Variants in NEBL observed in about 807,000 individuals in gnomAD.
NEBL encodes the protein LIM and SH3 protein 2.
NEBL carries 122 observed loss-of-function variants against 140.2 expected under a neutral mutation model. That is an observed-to-expected ratio of 0.87 (90% CI 0.75 to 1.01). The LOEUF (loss-of-function observed/expected upper bound fraction) is 1.01. NEBL is among the 50% of genes least tolerant of loss of function. NEBL has a pLI of 0.00. For missense variants in NEBL, 1,365 were observed against 1,231.3 expected (o/e 1.11, Z -1.62); for synonymous variants, 436 against 398.9 (o/e 1.09, Z -1.11).
intron 4 of NEBL, among the ~76,000 whole-genome samples, chr10:20,931,198 C>T (rs1315505803): frequency 2.6e-5 from 4 of 152,072 alleles, no homozygotes; most frequent in African/African-American, 9.7e-5. Flanking sequence ...CAAAGTATGA[C>T]AAAGACGCAC....
intron 2 of NEBL, among the ~76,000 whole-genome samples, chr10:21,027,901 T>A (rs1833581819): frequency 6.6e-6 from 1 of 152,070 alleles, no homozygotes; most frequent in Admixed American, 6.6e-5. Context: ...AAATGGTTGT[T>A]TTATGTCATT....
chr10:21,249,644 TTTA>T (rs1842562146), intron 2 of NEBL, among the ~76,000 whole-genome samples: 2 of 150,910 alleles, frequency 1.3e-5, no homozygotes, highest in African/African-American at 2.4e-5. Context: ...TTTAAATTTA[TTTA>T]TTATTTTATT....
intron 20 of NEBL, chr10:20,819,031 T>A: frequency 9.8e-7 from 1 of 1,021,530 alleles, no homozygotes; most frequent in Non-Finnish European, 1.2e-6. Context: ...AATGATATGA[T>A]TCATCCATAT....
At chr10:21,140,047 G>A (rs1192186004) in intron 2 of NEBL, among the ~76,000 whole-genome samples, 1 of 151,446 alleles carries the variant, frequency 6.6e-6, no homozygotes, top group East Asian at 1.9e-4. Context: ...TGTAATCCCA[G>A]CTACTCTGGA....
At chr10:20,816,310 A>T (rs569206493) in intron 21 of NEBL, among the ~76,000 whole-genome samples, 1 of 152,220 alleles carries the variant, frequency 6.6e-6, no homozygotes, top group Admixed American at 6.5e-5. Context: ...CTTCATGGAG[A>T]TTACTTAAAG....
chr10:21,133,719 A>G (rs1484175689), intron 2 of NEBL, among the ~76,000 whole-genome samples: 1 of 152,214 alleles, frequency 6.6e-6, no homozygotes, highest in Non-Finnish European at 1.5e-5. Context: ...ATAGTTTCCA[A>G]GGAAACCTAT....
At chr10:21,140,734 A>G (rs1235830145) in intron 2 of NEBL, among the ~76,000 whole-genome samples, 1 of 152,196 alleles carries the variant, frequency 6.6e-6, no homozygotes, top group African/African-American at 2.4e-5. Flanking sequence ...ACTAATATGA[A>G]TTACAATGGG....
chr10:20,851,191 A>G (rs983134922), intron 10 of NEBL, among the ~76,000 whole-genome samples: 1 of 152,216 alleles, frequency 6.6e-6, no homozygotes, highest in Non-Finnish European at 1.5e-5. Context: ...TAAGCAATAT[A>G]CTGTTTAAAA....
intron 4 of NEBL, among the ~76,000 whole-genome samples, chr10:20,926,270 G>T (rs563339358): frequency 1.2e-4 from 18 of 152,150 alleles, no homozygotes; most frequent in Non-Finnish European, 1.8e-4. Flanking sequence ...CAAAGTAAAT[G>T]CTGAAGTAAC....
Position 21,101,139 on chromosome 10 carries a change from T to C in NEBL, c.164+71244A>G, listed in dbSNP as rs45603138. Among the ~76,000 whole-genome samples the C allele has an allele frequency of 1.4e-3, 216 of 152,028 alleles. 1 individual carries two copies. Among genetic ancestry groups the C allele is most frequent in the Non-Finnish European group, 2.3e-3 (155 of 68,006 alleles). On this transcript the variant is annotated intron_variant, in intron 2 of 6. Transcript: ENST00000417816. ...CTGTCTCCTAGCCACATGACTCAAG[T>C]CTCCCCTCTGTGTCACTTCCTGAAT... is the stretch of plus-strand genomic sequence containing the variant.
chr10:21,025,529 A>T (rs12248941), intron 2 of NEBL, among the ~76,000 whole-genome samples: 4,491 of 152,330 alleles, frequency 0.029, 200 homozygotes, highest in African/African-American at 0.1. Flanking sequence ...AGGAAAAGTT[A>T]TATGCAAATC....
chr10:21,143,947 T>C (rs1302299055), intron 2 of NEBL, among the ~76,000 whole-genome samples: 3 of 151,750 alleles, frequency 2.0e-5, no homozygotes, highest in African/African-American at 7.3e-5. Flanking sequence ...AGGAGAATGG[T>C]AATTATTCAA....
intron 4 of NEBL, among the ~76,000 whole-genome samples, chr10:20,945,503 T>C (rs1835110995): frequency 6.6e-6 from 1 of 152,170 alleles, no homozygotes. Flanking sequence ...ACATCATGCA[T>C]CACGTGAATA....
Position 20,888,213 on chromosome 10 carries a change from G to GA in NEBL, c.259-7_259-6insT, listed in dbSNP as rs1339716619. 2 of 1,511,932 alleles carry GA rather than the reference G, an allele frequency of 1.3e-6. No homozygotes were observed. Among genetic ancestry groups the GA allele is most frequent in the South Asian group, 1.2e-5 (1 of 86,686 alleles). 93.7% of individuals were successfully genotyped at this position (1,511,932 alleles called of 1,614,324 possible). ...ATGGTGCCTTTGTATTTTGCCTGGG[G>GA]GAAAAAAAAACAGGAAAAAAATAAA... is the stretch of plus-strand genomic sequence containing the variant. On this transcript the variant is annotated splice_polypyrimidine_tract_variant and splice_region_variant and intron_variant, in intron 3 of 27. Transcript: ENST00000377122.
rs534449038 is a variant in NEBL, at chr10:21,152,008, C to T, written c.164+20375G>A. On this transcript the variant is annotated intron_variant, in intron 2 of 6. Coordinates refer to the NEBL transcript ENST00000417816. ...GCCACATTCCAAGTACTTAGAACAG[C>T]GCCTGGTTCATAGGACAGGCTCTTT... 4.6e-5 allele frequency among the ~76,000 whole-genome samples: 7 copies of T among 152,286 alleles called. No homozygotes were observed. In the East Asian group the frequency reaches 5.8e-4, roughly 13 times the overall value.
chr10:21,162,905 C>A (rs541760898), intron 2 of NEBL, among the ~76,000 whole-genome samples: 28 of 152,332 alleles, frequency 1.8e-4, no homozygotes, highest in Middle Eastern at 3.4e-3. Context: ...AGGGTCAAAT[C>A]ACTGTGTCTA....
intron 26 of NEBL, among the ~76,000 whole-genome samples, chr10:20,802,573 G>A (rs1048477794): frequency 6.6e-6 from 1 of 152,150 alleles, no homozygotes; most frequent in Non-Finnish European, 1.5e-5. Context: ...AACAATCAAA[G>A]TAAGATGGGA....
chr10:21,288,233 G>T (rs1199265287), intron 1 of NEBL, among the ~76,000 whole-genome samples: 2 of 152,162 alleles, frequency 1.3e-5, no homozygotes, highest in Non-Finnish European at 2.9e-5. Flanking sequence ...ACTTTGGGAG[G>T]CCAAGGCGGG....
intron 4 of NEBL, among the ~76,000 whole-genome samples, chr10:20,943,053 T>C (rs558661420): frequency 5.3e-5 from 8 of 152,294 alleles, no homozygotes; most frequent in African/African-American, 1.4e-4. Flanking sequence ...GATGTAGAAC[T>C]AGAAATACCA....
Sources: gnomAD v4.1 joint callset for allele counts (sites outside exome capture counted in the v4.1 genomes callset) on GRCh38, gnomAD v4.1.1 for gene constraint, MANE v1.5 for transcripts, NCBI Gene and HGNC (gene_info 2026-07-23, HGNC 2026-07-21) for gene names.